The following GALNTL6 variants were observed in gnomAD, a reference collection of about 807,000 sequenced individuals.
GALNTL6 encodes polypeptide N-acetylgalactosaminyltransferase-like 6.
GALNTL6 carries 46 observed loss-of-function variants against 73.7 expected under a neutral mutation model. The ratio of observed to expected loss-of-function variants is 0.62; its 90% CI spans 0.49 to 0.80. GALNTL6 has a LOEUF of 0.80. Among genes scored for constraint, GALNTL6 ranks in the 30% least tolerant of loss-of-function variants. The probability of loss-of-function intolerance (pLI) is 0.00; values close to 1 mark genes in which losing one functional copy is unlikely to be tolerated. For missense variants in GALNTL6, 604 were observed against 755.0 expected (o/e 0.80, Z 2.34); for synonymous variants, 259 against 263.7 (o/e 0.98, Z 0.17).
intron 5 of GALNTL6, among the ~76,000 whole-genome samples, chr4:172,460,911 T>C (rs1732586556): frequency 1.3e-5 from 2 of 152,308 alleles, no homozygotes; most frequent in South Asian, 2.1e-4. Context: ...TAAAGATACG[T>C]ACACGTGTAT....
At chr4:171,920,629 A>G (rs57165939) in intron 2 of GALNTL6, among the ~76,000 whole-genome samples, 3 of 152,138 alleles carry the variant, frequency 2.0e-5, no homozygotes, top group Admixed American at 6.6e-5. Flanking sequence ...TTTACAATGT[A>G]GTACATCAAC....
intron 2 of GALNTL6, among the ~76,000 whole-genome samples, chr4:171,868,501 A>G (rs192461345): frequency 6.6e-6 from 1 of 152,108 alleles, no homozygotes; most frequent in Non-Finnish European, 1.5e-5. Context: ...GTGGCTCTGG[A>G]GTGAAAGAAG....
At chr4:171,946,360 C>T (rs1014847446) in intron 2 of GALNTL6, among the ~76,000 whole-genome samples, 9 of 152,134 alleles carry the variant, frequency 5.9e-5, no homozygotes, top group Non-Finnish European at 1.0e-4. Context: ...TTAGATGCAC[C>T]TGTGACAATA....
At chr4:171,898,073 G>C (rs994711273) in intron 2 of GALNTL6, among the ~76,000 whole-genome samples, 1 of 152,000 alleles carries the variant, frequency 6.6e-6, no homozygotes, top group Non-Finnish European at 1.5e-5. Context: ...TAAAAGTTTT[G>C]AATGTGACAT....
chr4:172,719,479 T>C (rs1328960412), intron 5 of GALNTL6, among the ~76,000 whole-genome samples: 3 of 152,014 alleles, frequency 2.0e-5, no homozygotes, highest in Non-Finnish European at 4.4e-5. Context: ...TAGACAAACA[T>C]TTAAAAAAAA....
At chr4:172,045,358 A>G (rs1375323440) in intron 2 of GALNTL6, among the ~76,000 whole-genome samples, 4 of 152,052 alleles carry the variant, frequency 2.6e-5, no homozygotes, top group Non-Finnish European at 5.9e-5. Flanking sequence ...ATAACCTGTT[A>G]ATTGCAGTGT....
intron 2 of GALNTL6, among the ~76,000 whole-genome samples, chr4:171,818,585 A>G (rs924452882): frequency 5.9e-5 from 9 of 151,412 alleles, no homozygotes; most frequent in Non-Finnish European, 1.2e-4. Flanking sequence ...TAAAAAAAAA[A>G]AAAAAGCCTA....
At chr4:171,906,178 C>G (rs1282299253) in intron 2 of GALNTL6, among the ~76,000 whole-genome samples, 3 of 149,636 alleles carry the variant, frequency 2.0e-5, no homozygotes, top group Admixed American at 1.3e-4. Context: ...ACACAAAAAA[C>G]CCTTCAAAAA....
chr4:172,825,980 T>G (rs1290886631), intron 7 of GALNTL6, among the ~76,000 whole-genome samples: 1 of 152,206 alleles, frequency 6.6e-6, no homozygotes, highest in Non-Finnish European at 1.5e-5. Flanking sequence ...ATCTCATAGA[T>G]GATAATTGTA....
At chr4:172,483,770 G>A (rs1733575639) in intron 5 of GALNTL6, among the ~76,000 whole-genome samples, 1 of 152,136 alleles carries the variant, frequency 6.6e-6, no homozygotes, top group African/African-American at 2.4e-5. Flanking sequence ...TAAGTGAAAT[G>A]ACTGCAACCT....
At chr4:172,130,833 T>A (rs1019227165) in intron 2 of GALNTL6, among the ~76,000 whole-genome samples, 1 of 152,026 alleles carries the variant, frequency 6.6e-6, no homozygotes, top group Non-Finnish European at 1.5e-5. Context: ...ATTAAATTTT[T>A]AAAAATGGAG....
chr4:171,876,311 G>A (rs1736277423), intron 2 of GALNTL6, among the ~76,000 whole-genome samples: 1 of 152,074 alleles, frequency 6.6e-6, no homozygotes, highest in Non-Finnish European at 1.5e-5. Context: ...CTATAATATG[G>A]TTTATTACTA....
chr4:172,561,097 C>CA (rs1365540799), intron 5 of GALNTL6, among the ~76,000 whole-genome samples: 4 of 150,626 alleles, frequency 2.7e-5, no homozygotes, highest in Admixed American at 6.6e-5. Context: ...ACTAAAAATA[C>CA]AAAAAATTAG....
chr4:172,266,531 A>G (rs986437931), intron 3 of GALNTL6, among the ~76,000 whole-genome samples: 7 of 152,146 alleles, frequency 4.6e-5, no homozygotes, highest in Admixed American at 3.3e-4. Flanking sequence ...TTATGTTTTA[A>G]CTTATGTAAA....
chr4:172,519,097 T>TATAC (rs1734695760), intron 5 of GALNTL6, among the ~76,000 whole-genome samples: 2 of 149,006 alleles, frequency 1.3e-5, no homozygotes, highest in African/African-American at 4.9e-5. Context: ...TATATGTATA[T>TATAC]ACACACACAC....
intron 2 of GALNTL6, among the ~76,000 whole-genome samples, chr4:171,962,227 T>A (rs1739240470): frequency 6.6e-6 from 1 of 152,158 alleles, no homozygotes; most frequent in Admixed American, 6.6e-5. Context: ...AGGAGAGAAA[T>A]ATGTCAGAAG....
intron 5 of GALNTL6, among the ~76,000 whole-genome samples, chr4:172,349,308 A>G (rs950141975): frequency 6.6e-6 from 1 of 152,046 alleles, no homozygotes; most frequent in South Asian, 2.1e-4. Flanking sequence ...TTTACTTTCT[A>G]TTGTATGAAT....
chr4:171,825,927 A>G (rs1269727811), intron 2 of GALNTL6, among the ~76,000 whole-genome samples: 1 of 152,140 alleles, frequency 6.6e-6, no homozygotes, highest in Non-Finnish European at 1.5e-5. Context: ...GTCTTCTGCT[A>G]TTGCTCTTTG....
At chr4:172,184,008 G>A (rs1735341199) in intron 2 of GALNTL6, among the ~76,000 whole-genome samples, 1 of 152,000 alleles carries the variant, frequency 6.6e-6, no homozygotes. Flanking sequence ...GGCCAGGATG[G>A]TCTCGATCTC....
Sources: allele counts gnomAD v4.1 joint callset (sites outside exome capture counted in the v4.1 genomes callset), GRCh38; gene constraint gnomAD v4.1.1; transcripts MANE v1.5; gene names NCBI Gene and HGNC (gene_info 2026-07-23, HGNC 2026-07-21).